NKAIN2: variants seen among roughly 807,000 people sequenced by gnomAD.
NKAIN2 encodes the protein sodium/potassium transporting ATPase interacting 2, also known as sodium/potassium-transporting ATPase subunit beta-1-interacting protein 2.
A neutral mutation model predicts 32.6 loss-of-function variants in NKAIN2; 14 were observed. That is an observed-to-expected ratio of 0.43 (90% CI 0.28 to 0.67). The LOEUF is 0.67. NKAIN2 is among the 30% of genes least tolerant of loss of function. The pLI, the probability that NKAIN2 is intolerant of heterozygous loss-of-function variation, is 0.17. For missense variants in NKAIN2, 198 were observed against 258.3 expected (o/e 0.77, Z 1.60); for synonymous variants, 80 against 87.2 (o/e 0.92, Z 0.46).
At chr6:123,822,663 G>C (rs1330271677) in intron 1 of NKAIN2, among the ~76,000 whole-genome samples, 1 of 152,174 alleles carries the variant, frequency 6.6e-6, no homozygotes, top group Non-Finnish European at 1.5e-5. Flanking sequence ...TGTAGTGGGG[G>C]TTGTGAAAGG....
chr6:123,850,896 T>G (rs1436990924), intron 1 of NKAIN2, among the ~76,000 whole-genome samples: 1 of 152,176 alleles, frequency 6.6e-6, no homozygotes, highest in African/African-American at 2.4e-5. Flanking sequence ...ACTCTCTATT[T>G]CTATTAGTTC....
chr6:124,035,669 C>A (rs1781577102), intron 1 of NKAIN2, among the ~76,000 whole-genome samples: 1 of 152,146 alleles, frequency 6.6e-6, no homozygotes, highest in African/African-American at 2.4e-5. Context: ...TTGTTTTTAT[C>A]ATCATTCCCA....
intron 1 of NKAIN2, among the ~76,000 whole-genome samples, chr6:123,937,439 T>G (rs1275091938): frequency 1.3e-5 from 2 of 152,114 alleles, no homozygotes; most frequent in African/African-American, 4.8e-5. Flanking sequence ...AATGCTTTCT[T>G]TTAAAACTTG....
intron 1 of NKAIN2, among the ~76,000 whole-genome samples, chr6:124,178,335 T>C (rs1038364702): frequency 3.3e-5 from 5 of 151,790 alleles, no homozygotes; most frequent in African/African-American, 1.2e-4. Flanking sequence ...TCTCGCTCTG[T>C]TGCCCAGGCT....
intron 4 of NKAIN2, among the ~76,000 whole-genome samples, chr6:124,718,646 A>G (rs1029430924): frequency 6.6e-6 from 1 of 152,156 alleles, no homozygotes; most frequent in African/African-American, 2.4e-5. Flanking sequence ...CACAGTCTAC[A>G]CACAATCAAA....
intron 3 of NKAIN2, among the ~76,000 whole-genome samples, chr6:124,441,370 G>T (rs1211095353): frequency 6.6e-6 from 1 of 152,074 alleles, no homozygotes; most frequent in African/African-American, 2.4e-5. Context: ...TCACCAAAAA[G>T]TGGACTTTAA....
At chr6:124,807,499 G>A (rs1434511462) in intron 5 of NKAIN2, among the ~76,000 whole-genome samples, 4 of 150,738 alleles carry the variant, frequency 2.7e-5, no homozygotes, top group African/African-American at 9.8e-5. Flanking sequence ...AGTGTGTAGA[G>A]GGAAATTTAT....
intron 5 of NKAIN2, among the ~76,000 whole-genome samples, chr6:124,799,248 T>G (rs1388346388): frequency 6.6e-6 from 1 of 152,232 alleles, no homozygotes; most frequent in Non-Finnish European, 1.5e-5. Flanking sequence ...GTAATAATTT[T>G]CACATAATCT....
intron 3 of NKAIN2, among the ~76,000 whole-genome samples, chr6:124,453,083 A>G (rs1776172844): frequency 6.6e-6 from 1 of 151,990 alleles, no homozygotes; most frequent in South Asian, 2.1e-4. Context: ...TCATCTCAAT[A>G]CCCAGAAAGG....
At chr6:123,951,510 G>A (rs995623815) in intron 1 of NKAIN2, among the ~76,000 whole-genome samples, 5 of 151,886 alleles carry the variant, frequency 3.3e-5, no homozygotes. Context: ...ACTATATAAT[G>A]ACCCTCTTTT....
chr6:124,187,174 C>T (rs1789787488), intron 1 of NKAIN2, among the ~76,000 whole-genome samples: 1 of 151,832 alleles, frequency 6.6e-6, no homozygotes, highest in Non-Finnish European at 1.5e-5. Flanking sequence ...TTAATGTAGC[C>T]CTAGCTTTAC....
intron 3 of NKAIN2, among the ~76,000 whole-genome samples, chr6:124,423,568 TG>T (rs1352639155): frequency 6.6e-6 from 1 of 152,214 alleles, no homozygotes; most frequent in Non-Finnish European, 1.5e-5. Context: ...GAACCCCAAA[TG>T]CATATGTTGA....
chr6:124,632,732 T>C (rs1169237881), intron 3 of NKAIN2, among the ~76,000 whole-genome samples: 1 of 152,214 alleles, frequency 6.6e-6, no homozygotes, highest in Non-Finnish European at 1.5e-5. Context: ...TATTTAGACT[T>C]AGAAGTTTAT....
At chr6:124,284,983 T>G (rs993136961) in intron 2 of NKAIN2, among the ~76,000 whole-genome samples, 2 of 152,158 alleles carry the variant, frequency 1.3e-5, no homozygotes, top group African/African-American at 4.8e-5. Context: ...CCACAGATCT[T>G]TCACTACTGG....
chr6:124,411,550 A>C (rs1243900589), intron 3 of NKAIN2, among the ~76,000 whole-genome samples: 1 of 152,230 alleles, frequency 6.6e-6, no homozygotes, highest in Admixed American at 6.5e-5. Context: ...CTGAGAGATC[A>C]GCTGTTAGTC....
intron 2 of NKAIN2, among the ~76,000 whole-genome samples, chr6:124,354,148 T>G (rs1798860865): frequency 6.6e-6 from 1 of 152,220 alleles, no homozygotes; most frequent in African/African-American, 2.4e-5. Flanking sequence ...TAACCTCTTT[T>G]GTTAAGCTTT....
intron 3 of NKAIN2, among the ~76,000 whole-genome samples, chr6:124,445,011 G>T (rs1451760868): frequency 1.3e-5 from 2 of 151,912 alleles, no homozygotes; most frequent in East Asian, 3.9e-4. Context: ...GCATGCAATG[G>T]AATACATACC....
chr6:123,904,930 T>C (rs1352992078), intron 1 of NKAIN2, among the ~76,000 whole-genome samples: 1 of 152,158 alleles, frequency 6.6e-6, no homozygotes, highest in Non-Finnish European at 1.5e-5. Flanking sequence ...ATGACCAATA[T>C]TATATTTTTC....
At chr6:124,200,381 A>G (rs934804863) in intron 1 of NKAIN2, among the ~76,000 whole-genome samples, 2 of 152,134 alleles carry the variant, frequency 1.3e-5, no homozygotes, top group African/African-American at 4.8e-5. Context: ...CAGGAAATGT[A>G]CTGCTCTAGG....
Sources: gnomAD v4.1 joint callset for allele counts (sites outside exome capture counted in the v4.1 genomes callset) on GRCh38, gnomAD v4.1.1 for gene constraint, MANE v1.5 for transcripts, NCBI Gene and HGNC (gene_info 2026-07-23, HGNC 2026-07-21) for gene names.